STPG2: variants seen among roughly 807,000 people sequenced by gnomAD.
STPG2 encodes sperm tail PG-rich repeat containing 2, also known as sperm-tail PG-rich repeat-containing protein 2.
In STPG2, 56 loss-of-function variants were observed where a neutral mutation model predicts 54.2. The ratio of observed to expected loss-of-function variants is 1.03; its 90% CI spans 0.83 to 1.29. The LOEUF is 1.29. Among genes scored for constraint, STPG2 ranks in the 50% most tolerant of loss-of-function variants. The probability of loss-of-function intolerance (pLI) is 0.00; values close to 1 mark genes in which losing one functional copy is unlikely to be tolerated. For synonymous variants in STPG2, 200 were observed against 181.8 expected, an observed-to-expected ratio of 1.10 and a Z score of -0.81; for missense variants, 596 against 544.9, an observed-to-expected ratio of 1.09 and a Z score of -0.93.
intron 10 of STPG2, among the ~76,000 whole-genome samples, chr4:97,637,263 G>C (rs1721580993): frequency 6.6e-6 from 1 of 152,246 alleles, no homozygotes; most frequent in Non-Finnish European, 1.5e-5. Flanking sequence ...CTCAATAGAT[G>C]CAGAAAAGGC....
chr4:97,752,746 T>A (rs1009619666), intron 9 of STPG2, among the ~76,000 whole-genome samples: 1 of 151,912 alleles, frequency 6.6e-6, no homozygotes, highest in Non-Finnish European at 1.5e-5. Flanking sequence ...ATATCTTGTT[T>A]CCCTCGCCAA....
chr4:97,649,816 A>T (rs1302056453), intron 10 of STPG2, among the ~76,000 whole-genome samples: 1 of 152,124 alleles, frequency 6.6e-6, no homozygotes, highest in Non-Finnish European at 1.5e-5. Context: ...AGTTTTCCAC[A>T]GACCAGGGGG....
chr4:97,987,761 T>C (rs748320560), intron 5 of STPG2, among the ~76,000 whole-genome samples: 3 of 152,096 alleles, frequency 2.0e-5, no homozygotes, highest in Non-Finnish European at 4.4e-5. Flanking sequence ...TTTCTATCTT[T>C]ATAATATTTC....
intron 9 of STPG2, among the ~76,000 whole-genome samples, chr4:97,751,910 C>T (rs1378841): frequency 0.84 from 127,082 of 151,512 alleles, 53,463 homozygotes; most frequent in Middle Eastern, 0.94. Flanking sequence ...TAGGCATACA[C>T]ATAACCATCT....
chr4:97,515,284 A>T (rs1731052825), intron 4 of STPG2, among the ~76,000 whole-genome samples: 1 of 152,072 alleles, frequency 6.6e-6, no homozygotes, highest in Admixed American at 6.6e-5. Context: ...GGCTTTTCAG[A>T]TTTAGGGTCT....
At chr4:97,790,575 C>T (rs1726960521) in intron 9 of STPG2, among the ~76,000 whole-genome samples, 1 of 152,072 alleles carries the variant, frequency 6.6e-6, no homozygotes, top group Non-Finnish European at 1.5e-5. Context: ...TAGCTGTTGG[C>T]CAGCAGTCAT....
chr4:98,101,787 C>T (rs1739043827), intron 5 of STPG2, among the ~76,000 whole-genome samples: 1 of 152,122 alleles, frequency 6.6e-6, no homozygotes, highest in Admixed American at 6.5e-5. Flanking sequence ...TGAACTCTAA[C>T]ATTTACCCTC....
intron 10 of STPG2, among the ~76,000 whole-genome samples, chr4:97,642,593 C>T (rs1721795043): frequency 6.6e-6 from 1 of 151,244 alleles, no homozygotes; most frequent in South Asian, 2.1e-4. Flanking sequence ...CTAGAAAAAT[C>T]AAAGCAGCAT....
chr4:97,836,449 G>A (rs1728635013), intron 9 of STPG2, among the ~76,000 whole-genome samples: 1 of 151,742 alleles, frequency 6.6e-6, no homozygotes, highest in Non-Finnish European at 1.5e-5. Flanking sequence ...ACACTTAATA[G>A]ACTATAGTAT....
At chr4:97,568,174 A>G (rs1732503665) in intron 10 of STPG2, among the ~76,000 whole-genome samples, 2 of 152,256 alleles carry the variant, frequency 1.3e-5, no homozygotes, top group African/African-American at 4.8e-5. Context: ...CTTTAAAAAA[A>G]ATTAGTCCAA....
chr4:97,792,739 TA>T, intron 9 of STPG2, among the ~76,000 whole-genome samples: 1 of 152,354 alleles, frequency 6.6e-6, no homozygotes, highest in East Asian at 1.9e-4. Context: ...GTAACTTTAC[TA>T]GCTTCCTTGC....
intron 5 of STPG2, among the ~76,000 whole-genome samples, chr4:98,010,260 C>T (rs1261097909): frequency 6.6e-6 from 1 of 152,046 alleles, no homozygotes; most frequent in Non-Finnish European, 1.5e-5. Flanking sequence ...ACACTGCTTT[C>T]ACTGTATCCC....
intron 8 of STPG2, among the ~76,000 whole-genome samples, chr4:97,853,652 C>T (rs1008706771): frequency 6.6e-6 from 1 of 152,196 alleles, no homozygotes; most frequent in African/African-American, 2.4e-5. Context: ...ATACTTTTAA[C>T]TTCATACGAA....
chr4:97,639,539 T>G (rs973071763), intron 10 of STPG2, among the ~76,000 whole-genome samples: 30 of 151,900 alleles, frequency 2.0e-4, no homozygotes, highest in Non-Finnish European at 3.5e-4. Flanking sequence ...ACGTAAGAAC[T>G]TCAAAAGTCT....
At chr4:97,693,019 G>A (rs1381335078) in intron 10 of STPG2, among the ~76,000 whole-genome samples, 1 of 151,736 alleles carries the variant, frequency 6.6e-6, no homozygotes, top group East Asian at 1.9e-4. Context: ...CCACTACTAA[G>A]CCAGCACTAC....
intron 10 of STPG2, among the ~76,000 whole-genome samples, chr4:97,604,243 T>C (rs1229979505): frequency 2.0e-5 from 3 of 151,570 alleles, no homozygotes; most frequent in Non-Finnish European, 4.4e-5. Flanking sequence ...AGGGAGAAAT[T>C]TGGAAAAGGG....
At chr4:97,904,104 G>A (rs10022196) in intron 8 of STPG2, among the ~76,000 whole-genome samples, 10 of 152,000 alleles carry the variant, frequency 6.6e-5, no homozygotes, top group African/African-American at 2.2e-4. Flanking sequence ...CACCACAGCT[G>A]AAGGAGGCCT....
At chr4:97,666,387 C>T (rs1578465187) in intron 10 of STPG2, among the ~76,000 whole-genome samples, 1 of 152,172 alleles carries the variant, frequency 6.6e-6, no homozygotes, top group Non-Finnish European at 1.5e-5. Flanking sequence ...TACCATGCAA[C>T]TCTCTCATTG....
chr4:97,779,555 C>T (rs919669086), intron 9 of STPG2, among the ~76,000 whole-genome samples: 4 of 152,146 alleles, frequency 2.6e-5, no homozygotes, highest in African/African-American at 9.7e-5. Context: ...GGCAGGCCAA[C>T]ATTCAAATTC....
Sources: allele counts gnomAD v4.1 joint callset (sites outside exome capture counted in the v4.1 genomes callset), GRCh38; gene constraint gnomAD v4.1.1; transcripts MANE v1.5; gene names NCBI Gene and HGNC (gene_info 2026-07-23, HGNC 2026-07-21).